Variants in IL7 observed in about 807,000 individuals in gnomAD.
IL7 encodes the protein interleukin-7.
A neutral mutation model predicts 21.6 loss-of-function variants in IL7; 3 were observed. The observed-to-expected ratio is 0.14, with a 90% CI of 0.06 to 0.36. IL7 has a LOEUF of 0.36. IL7 is among the 10% of genes least tolerant of loss of function. The pLI is 1.00. For missense variants in IL7, 175 were observed against 200.2 expected (o/e 0.87, Z 0.76); for synonymous variants, 62 against 68.1 (o/e 0.91, Z 0.44).
At chr8:78,677,628 G>A (rs1227102826) in intron 4 of IL7, among the ~76,000 whole-genome samples, 1 of 150,762 alleles carries the variant, frequency 6.6e-6, no homozygotes, top group African/African-American at 2.4e-5. Flanking sequence ...TAGTATCTAT[G>A]TTCAGGCATT....
Position 78,740,028 on chromosome 8 carries a change from T to C in IL7, c.202A>G (p.Lys68Glu). ...NCLNNEFNFF[K>E]RHICDANKEG... ...TTATTAGCATCACAGATATGTCTTT[T>C]AAAAAAGTTAAATTCATTATTCAGG... Residue 68 changes from lysine (K) to glutamate (E), a missense_variant, in exon 3 of 6, where the codon AAA becomes GAA. Physicochemically the swap from Lys to Glu is moderately conservative, Grantham distance 56. Coordinates refer to ENST00000263851, the MANE Select transcript of IL7 (RefSeq NM_000880.4). 1 of 1,541,618 alleles carries C rather than the reference T, an allele frequency of 6.5e-7. No homozygotes were observed. The highest frequency in any genetic ancestry group is 8.7e-7 in the Non-Finnish European group (1 of 1,149,424).
At chr8:78,742,912 A>T (rs1018638833) in intron 2 of IL7, among the ~76,000 whole-genome samples, 3 of 151,920 alleles carry the variant, frequency 2.0e-5, no homozygotes, top group African/African-American at 7.3e-5. Flanking sequence ...CCCAGTGTGT[A>T]TTGTTCCCCT....
At chr8:78,715,431 C>G, downstream of IL7, 1 of 1,105,910 alleles carries the variant, frequency 9.0e-7, no homozygotes, top group Non-Finnish European at 1.2e-6. Context: ...TTATAGAAAA[C>G]CTGATTTTTT....
intron 2 of IL7, among the ~76,000 whole-genome samples, chr8:78,792,441 A>C (rs1014591988): frequency 3.9e-5 from 6 of 152,192 alleles, no homozygotes; most frequent in Admixed American, 1.3e-4. Context: ...GACTTCATAA[A>C]AGTTAAAAAT....
At chr8:78,723,092 A>AAT (rs71264200) in intron 3 of IL7, among the ~76,000 whole-genome samples, 3,019 of 140,468 alleles carry the variant, frequency 0.021, 43 homozygotes, top group South Asian at 0.038. Flanking sequence ...TAGAAGTACA[A>AAT]ATATATATAT....
chr8:78,756,319 G>A (rs1335537724), intron 2 of IL7, among the ~76,000 whole-genome samples: 2 of 151,818 alleles, frequency 1.3e-5, no homozygotes, highest in African/African-American at 2.4e-5. Flanking sequence ...GGGTAATGCT[G>A]GCTTTGTAGA....
chr8:78,694,925 A>G (rs1391038973), intron 3 of IL7, among the ~76,000 whole-genome samples: 1 of 152,192 alleles, frequency 6.6e-6, no homozygotes, highest in Admixed American at 6.5e-5. Context: ...GTTGGTTGAT[A>G]GAGTCATTCT....
intron 3 of IL7, among the ~76,000 whole-genome samples, chr8:78,709,074 T>C (rs1379921023): frequency 1.3e-5 from 2 of 152,220 alleles, no homozygotes; most frequent in African/African-American, 4.8e-5. Context: ...TACACAGTTG[T>C]ACCTTATTAC....
exon 5 of IL7, chr8:78,675,949 C>T (rs1395733249): frequency 1.2e-5 from 14 of 1,193,706 alleles, no homozygotes; most frequent in Admixed American, 5.7e-5. Flanking sequence ...GAAGAATTTA[C>T]GTGGAATAGT....
chr8:78,692,339 G>A (rs1315659869), intron 3 of IL7, among the ~76,000 whole-genome samples: 1 of 152,118 alleles, frequency 6.6e-6, no homozygotes, highest in Non-Finnish European at 1.5e-5. Flanking sequence ...AATCCCTATA[G>A]TTCAGTCTTA....
chr8:78,706,621 T>A (rs34099505), intron 3 of IL7, among the ~76,000 whole-genome samples: 3 of 152,158 alleles, frequency 2.0e-5, no homozygotes, highest in Admixed American at 6.6e-5. Flanking sequence ...CTTTGTTCTC[T>A]GTGGGTCAAG....
Position 78,768,696 on chromosome 8 carries a change from G to A in IL7, c.148-28614C>T, listed in dbSNP as rs529029867. 9.1e-4 allele frequency among the ~76,000 whole-genome samples: 138 copies of A among 151,590 alleles called. 2 individuals are homozygous for A. In the East Asian group the frequency reaches 0.011, roughly 12 times the overall value. ...GCCCTTTGTCAGATGAGTAGGTTGC[G>A]AAAATTTTCTCCCATTTTGTATGTT... On this transcript the variant is annotated intron_variant, in intron 2 of 5. Coordinates refer to ENST00000263851, the MANE Select transcript of IL7 (RefSeq NM_000880.4).
chr8:78,677,567 C>A (rs1809622092), intron 4 of IL7, among the ~76,000 whole-genome samples: 1 of 152,040 alleles, frequency 6.6e-6, no homozygotes, highest in East Asian at 1.9e-4. Flanking sequence ...ACTACTCTTA[C>A]ATTAACTTTT....
intron 1 of IL7, among the ~76,000 whole-genome samples, chr8:78,800,908 A>G (rs537194753): frequency 6.6e-4 from 100 of 152,218 alleles, no homozygotes; most frequent in Non-Finnish European, 3.7e-4. Flanking sequence ...TTTTGTTTTA[A>G]TACATGAGGT....
intron 2 of IL7, among the ~76,000 whole-genome samples, chr8:78,791,279 A>G (rs1252706345): frequency 2.6e-5 from 4 of 152,216 alleles, no homozygotes; most frequent in Non-Finnish European, 5.9e-5. Flanking sequence ...ATAAAATTAT[A>G]TATCAAAAGT....
intron 2 of IL7, among the ~76,000 whole-genome samples, chr8:78,757,472 C>G (rs535033262): frequency 6.6e-6 from 1 of 152,094 alleles, no homozygotes; most frequent in African/African-American, 2.4e-5. Context: ...CTCCCCAGTG[C>G]TGAAAGTGGG....
At chr8:78,754,595 A>T (rs1478437342) in intron 2 of IL7, among the ~76,000 whole-genome samples, 1 of 152,178 alleles carries the variant, frequency 6.6e-6, no homozygotes, top group Non-Finnish European at 1.5e-5. Flanking sequence ...AATCCTAAGC[A>T]AAAAGAACAA....
intron 5 of IL7, among the ~76,000 whole-genome samples, chr8:78,720,588 T>A (rs942032448): frequency 1.3e-5 from 2 of 151,882 alleles, no homozygotes; most frequent in African/African-American, 4.8e-5. Flanking sequence ...CATATGATTT[T>A]TTGACAACAC....
intron 2 of IL7, among the ~76,000 whole-genome samples, chr8:78,752,758 C>T (rs1011208345): frequency 5.9e-5 from 9 of 152,014 alleles, no homozygotes; most frequent in South Asian, 2.1e-4. Flanking sequence ...CCCCACCCTG[C>T]GACAGGCCCC....
Sources: allele counts gnomAD v4.1 joint callset (sites outside exome capture counted in the v4.1 genomes callset), GRCh38; gene constraint gnomAD v4.1.1; transcripts MANE v1.5; gene names NCBI Gene and HGNC (gene_info 2026-07-23, HGNC 2026-07-21).